Variants in FREM2 observed in about 807,000 individuals in gnomAD.
FREM2 encodes FRAS1 related extracellular matrix 2, also known as FRAS1-related extracellular matrix protein 2.
In FREM2, 119 loss-of-function variants were observed where a neutral mutation model predicts 219.9. The observed-to-expected ratio is 0.54, with a 90% confidence interval of 0.47 to 0.63. The LOEUF (loss-of-function observed/expected upper bound fraction) is 0.63. Among genes scored for constraint, FREM2 ranks in the 30% least tolerant of loss-of-function variants. The pLI is 0.00. For missense variants in FREM2, 4,030 were observed against 3,993.6 expected (o/e 1.01, Z -0.25); for synonymous variants, 1,562 against 1,522.8 (o/e 1.03, Z -0.60).
chr13:38,867,876 T>TA (rs1367955030), intron 16 of FREM2, among the ~76,000 whole-genome samples: 1 of 152,240 alleles, frequency 6.6e-6, no homozygotes, highest in Non-Finnish European at 1.5e-5. Flanking sequence ...GGTGCCCACT[T>TA]ACATTGAGTG....
chr13:38,819,325 T>C (rs537923078), intron 6 of FREM2, among the ~76,000 whole-genome samples: 89 of 152,292 alleles, frequency 5.8e-4, no homozygotes, highest in East Asian at 1.5e-3. Flanking sequence ...TTTCTCCTGC[T>C]AGTCACATAA....
intron 16 of FREM2, among the ~76,000 whole-genome samples, chr13:38,867,376 G>C (rs1878006886): frequency 6.6e-6 from 1 of 152,194 alleles, no homozygotes; most frequent in Non-Finnish European, 1.5e-5. Context: ...ACCAGATTCA[G>C]AGTAAATCAT....
At chr13:38,740,650 T>C (rs958571081) in intron 2 of FREM2, among the ~76,000 whole-genome samples, 23 of 152,190 alleles carry the variant, frequency 1.5e-4, no homozygotes, top group Admixed American at 6.5e-5. Flanking sequence ...TGACGAAAAA[T>C]TTACTACAGT....
At chr13:38,711,229 A>T (rs1870757362) in intron 2 of FREM2, among the ~76,000 whole-genome samples, 1 of 152,082 alleles carries the variant, frequency 6.6e-6, no homozygotes, top group Admixed American at 6.6e-5. Flanking sequence ...TTCCCTTCCC[A>T]TCCCCGTCTT....
chr13:38,687,955 G>T lies in FREM2; in HGVS notation c.611G>T (p.Ser204Ile). The T allele has an allele frequency of 6.2e-7, 1 of 1,610,244 alleles. No homozygotes were observed. The highest frequency in any genetic ancestry group is 8.5e-7 in the Non-Finnish European group (1 of 1,178,020). Reference sequence around the variant, plus strand: ...ACCAGCAATGCCCTGGACGCGCGGAGCCTGGAGTTCGCCTTCCAGCCCGAG... The same window carrying T: ...ACCAGCAATGCCCTGGACGCGCGGATCCTGGAGTTCGCCTTCCAGCCCGAG... ...LGTSNALDAR[S>I]LEFAFQPETE... Residue 204 changes from serine (S) to isoleucine (I), a missense_variant, in exon 1 of 24, where the codon AGC becomes ATC. Coordinates refer to ENST00000280481, the MANE Select transcript of FREM2 (RefSeq NM_207361.6).
chr13:38,856,026 T>G, intron 11 of FREM2, 100 bp from the exon 12 acceptor site: 1 of 822,104 alleles, frequency 1.2e-6, no homozygotes, highest in Non-Finnish European at 1.9e-6. Context: ...TAAAATGTAT[T>G]TCTCATTGTA....
At chr13:38,775,092 TTAA>T (rs1423777893) in intron 4 of FREM2, among the ~76,000 whole-genome samples, 1 of 152,208 alleles carries the variant, frequency 6.6e-6, no homozygotes, top group Non-Finnish European at 1.5e-5. Flanking sequence ...AAACCTAATA[TTAA>T]TGAGTACAAA....
rs1361029136 is a variant in FREM2 at position 38,690,289 on chromosome 13, C to G, written c.2945C>G (p.Thr982Ser). The G allele has an allele frequency of 6.2e-7, 1 of 1,614,180 alleles. No homozygotes were observed. The highest frequency in any genetic ancestry group is 8.5e-7 in the Non-Finnish European group (1 of 1,179,994). Residue 982 changes from threonine (T) to serine (S), a missense_variant, in exon 1 of 24, where the codon ACT becomes AGT. This residue lies in a region of FREM2 where 3,102 missense variants were observed against 2,950.7 expected (regional missense o/e 1.05). Coordinates refer to ENST00000280481, the MANE Select transcript of FREM2 (RefSeq NM_207361.6). ...TNEETDDLMLTFLLEDPPLYG... is the reference protein window; with the variant it reads ...TNEETDDLMLSFLLEDPPLYG... ...GAGGAAACTGATGACTTGATGTTGACTTTCCTCTTGGAAGATCCACCTTTG... is the reference window on the plus strand; with the variant it reads ...GAGGAAACTGATGACTTGATGTTGAGTTTCCTCTTGGAAGATCCACCTTTG...
chr13:38,885,112 AT>A lies in FREM2; in HGVS notation c.*4329del, dbSNP rs1432636099. The stretch of plus-strand genomic sequence containing the variant: ...ATACTAAGAAACAAAATGCTTTGAG[AT>A]TTTGGTAACTATTTTGATTTTGATA... On this transcript the variant is annotated 3_prime_UTR_variant, in exon 24 of 24. Coordinates refer to ENST00000280481, the MANE Select transcript of FREM2 (RefSeq NM_207361.6). The A allele has an allele frequency of 2.6e-5, 4 of 152,142 alleles. No homozygotes were observed. Among genetic ancestry groups the A allele is most frequent in the African/African-American group, 4.8e-5 (2 of 41,458 alleles). 9.4% of individuals were successfully genotyped at this position (152,142 alleles called of 1,614,324 possible).
At position 38,761,795 on chromosome 13, in the gene FREM2, A is replaced by G. The variant is rs182517609; in HGVS notation, c.5264-2509A>G. Among the ~76,000 whole-genome samples, 29 of 152,280 alleles carry G rather than the reference A, an allele frequency of 1.9e-4. No homozygotes were observed. In the Middle Eastern group the frequency reaches 0.01, roughly 54 times the overall value. On this transcript the variant is annotated intron_variant, in intron 2 of 23. Transcript: ENST00000280481. ...AGAATAGGGGTCCTCATTTTAGGCAAGAGGACAAGGGTGATGGAAAGAGTG... is the reference window on the plus strand; with the variant it reads ...AGAATAGGGGTCCTCATTTTAGGCAGGAGGACAAGGGTGATGGAAAGAGTG...
chr13:38,765,965 T>G (rs2137810989), intron 3 of FREM2, among the ~76,000 whole-genome samples: 1 of 152,334 alleles, frequency 6.6e-6, no homozygotes, highest in South Asian at 2.1e-4. Context: ...ACATCCTGTC[T>G]TATCATCAGG....
chr13:38,694,905 T>C lies in FREM2; in HGVS notation c.5173+2388T>C, dbSNP rs1005535203. Among the ~76,000 whole-genome samples the C allele has an allele frequency of 3.9e-5, 6 of 152,208 alleles. No individual in the cohort carries two copies. In the East Asian group the frequency reaches 1.2e-3, roughly 29 times the overall value. On this transcript the variant is annotated intron_variant, in intron 1 of 23. Transcript: ENST00000280481. ...CGTAATGATATATTCTGTGGGATAA[T>C]TTATAAGCCAGTTTCAGGAAAGCAG...
intron 8 of FREM2, among the ~76,000 whole-genome samples, chr13:38,849,766 A>G (rs1593444434): frequency 6.6e-6 from 1 of 152,358 alleles, no homozygotes; most frequent in African/African-American, 2.4e-5. Context: ...ACATGTAGAT[A>G]CAAATATCTT....
intron 2 of FREM2, among the ~76,000 whole-genome samples, chr13:38,750,805 T>C (rs1872718551): frequency 6.6e-6 from 1 of 152,150 alleles, no homozygotes; most frequent in Non-Finnish European, 1.5e-5. Context: ...GCGGTTCTCC[T>C]GCTCAGCCTC....
In FREM2 at chr13:38,692,303, C is replaced by A. The variant is rs751121341; in HGVS notation, c.4959C>A (p.Asn1653Lys). 3 of 1,610,850 alleles carry A rather than the reference C, an allele frequency of 1.9e-6. No individual in the cohort carries two copies. The highest frequency in any genetic ancestry group is 1.7e-6 in the Non-Finnish European group (2 of 1,178,188). ...AGATCCAGGTCTTGGCTGTTGACAA[C>A]AGTGTCCCCCAAATCGCAGTGAATA... ...VMKIQVLAVD[N>K]SVPQIAVNKG... is the part of the protein sequence containing the mutation. The change falls in exon 1 of 24, where the codon AAC (asparagine) becomes AAA (lysine). Residue 1653 changes from asparagine (N) to lysine (K), a missense_variant. Asn to Lys is a moderately conservative substitution (Grantham distance 94, BLOSUM62 0). Transcript: ENST00000280481.
intron 16 of FREM2, among the ~76,000 whole-genome samples, chr13:38,865,119 G>T (rs1877913238): frequency 2.0e-5 from 3 of 151,898 alleles, no homozygotes; most frequent in African/African-American, 4.8e-5. Context: ...TTTTCTTTCT[G>T]TTTTTCTCCT....
intron 2 of FREM2, among the ~76,000 whole-genome samples, chr13:38,725,508 A>G (rs1269481764): frequency 1.2e-4 from 18 of 152,208 alleles, no homozygotes; most frequent in Non-Finnish European, 2.5e-4. Context: ...TGAAAAAAGA[A>G]TTAACCCTGG....
chr13:38,851,194 C>T (rs1198887122), intron 10 of FREM2, 86 bp downstream of exon 10: 1 of 1,310,898 alleles, frequency 7.6e-7, no homozygotes, highest in Non-Finnish European at 1.1e-6. Flanking sequence ...CAGAAAAATG[C>T]CCCCACCTCC....
chr13:38,778,817 T>C (rs1427448734), intron 4 of FREM2, among the ~76,000 whole-genome samples: 1 of 152,108 alleles, frequency 6.6e-6, no homozygotes, highest in East Asian at 1.9e-4. Flanking sequence ...AAAACTCTAA[T>C]AAATCAAACT....
Sources: gnomAD v4.1 joint callset for allele counts (sites outside exome capture counted in the v4.1 genomes callset) on GRCh38, gnomAD v4.1.1 for gene constraint, gnomAD v4.1.1 regional missense constraint, MANE v1.5 for transcripts, NCBI Gene and HGNC (gene_info 2026-07-23, HGNC 2026-07-21) for gene names.